Variants in ADAMTS12 observed in about 807,000 individuals in gnomAD.
ADAMTS12 encodes ADAM metallopeptidase with thrombospondin type 1 motif 12.
A neutral mutation model predicts 167.8 loss-of-function variants in ADAMTS12; 118 were observed. The observed-to-expected ratio is 0.70, with a 90% CI of 0.61 to 0.82. The LOEUF is 0.82. Among genes scored for constraint, ADAMTS12 ranks in the 40% least tolerant of loss-of-function variants. ADAMTS12 has a pLI of 0.00. For missense variants in ADAMTS12, 1,916 were observed against 1,998.8 expected (o/e 0.96, Z 0.79); for synonymous variants, 704 against 716.9 (o/e 0.98, Z 0.29).
At chr5:33,571,352 C>G (rs1251260237) in intron 19 of ADAMTS12, among the ~76,000 whole-genome samples, 1 of 151,964 alleles carries the variant, frequency 6.6e-6, no homozygotes. Context: ...GGAAGTAAAG[C>G]TCTCCTCAGC....
chr5:33,763,414 A>T (rs1745423936), intron 2 of ADAMTS12, among the ~76,000 whole-genome samples: 1 of 152,194 alleles, frequency 6.6e-6, no homozygotes, highest in South Asian at 2.1e-4. Flanking sequence ...AAAAGGCAAG[A>T]AAACAGATTC....
chr5:33,553,150 CA>C (rs1745330159), intron 20 of ADAMTS12, among the ~76,000 whole-genome samples: 1 of 152,106 alleles, frequency 6.6e-6, no homozygotes, highest in South Asian at 2.1e-4. Context: ...AAATGCAAAT[CA>C]AAACCACAAT....
At chr5:33,752,517 C>G (rs901413146) in intron 2 of ADAMTS12, among the ~76,000 whole-genome samples, 1 of 152,140 alleles carries the variant, frequency 6.6e-6, no homozygotes, top group African/African-American at 2.4e-5. Context: ...TAGGATAAAT[C>G]AAGGGTTGCT....
intron 2 of ADAMTS12, among the ~76,000 whole-genome samples, chr5:33,784,201 T>C (rs990091455): frequency 1.3e-5 from 2 of 151,762 alleles, no homozygotes; most frequent in Non-Finnish European, 3.0e-5. Context: ...TGAGGGAGAA[T>C]TTTCAACCTT....
At chr5:33,657,396 C>A (rs957655021) in intron 7 of ADAMTS12, among the ~76,000 whole-genome samples, 1 of 152,158 alleles carries the variant, frequency 6.6e-6, no homozygotes, top group Non-Finnish European at 1.5e-5. Flanking sequence ...GTTCATGTGC[C>A]TCCCCACCCA....
At chr5:33,707,261 C>T (rs1450140374) in intron 3 of ADAMTS12, among the ~76,000 whole-genome samples, 8 of 152,010 alleles carry the variant, frequency 5.3e-5, no homozygotes, top group African/African-American at 1.9e-4. Context: ...TGAAGTACCT[C>T]TTCAAGGAGA....
chr5:33,592,996 G>T (rs532673362), intron 17 of ADAMTS12, among the ~76,000 whole-genome samples: 3 of 152,262 alleles, frequency 2.0e-5, no homozygotes, highest in South Asian at 2.1e-4. Flanking sequence ...AAAGCAAATC[G>T]CCAGGCACAT....
At chr5:33,742,396 C>A (rs1417101049) in intron 3 of ADAMTS12, among the ~76,000 whole-genome samples, 1 of 151,756 alleles carries the variant, frequency 6.6e-6, no homozygotes, top group African/African-American at 2.4e-5. Flanking sequence ...AAATGGGACA[C>A]CACGGGGGTG....
intron 2 of ADAMTS12, among the ~76,000 whole-genome samples, chr5:33,852,662 T>A (rs1749258807): frequency 1.3e-5 from 2 of 152,124 alleles, no homozygotes; most frequent in African/African-American, 4.8e-5. Context: ...AACGGTCTGG[T>A]AGGAAGCACT....
At chr5:33,682,493 A>G in intron 5 of ADAMTS12, among the ~76,000 whole-genome samples, 1 of 152,276 alleles carries the variant, frequency 6.6e-6, no homozygotes, top group South Asian at 2.1e-4. Context: ...TTTATATAAG[A>G]CTTACATTTA....
intron 11 of ADAMTS12, 91 bp downstream of exon 11, chr5:33,641,719 T>A: frequency 7.7e-7 from 1 of 1,294,836 alleles, no homozygotes; most frequent in Non-Finnish European, 1.0e-6. Context: ...GGAGGAGGCT[T>A]GGGGTCACTG....
At chr5:33,774,673 T>C (rs1219710712) in intron 2 of ADAMTS12, among the ~76,000 whole-genome samples, 2 of 152,182 alleles carry the variant, frequency 1.3e-5, no homozygotes, top group African/African-American at 2.4e-5. Flanking sequence ...ATGACTATTA[T>C]CCAATAGAAA....
intron 3 of ADAMTS12, among the ~76,000 whole-genome samples, chr5:33,698,627 C>CCCACTTCCCCAATAGGT (rs1742872623): frequency 6.6e-6 from 1 of 151,574 alleles, no homozygotes. Flanking sequence ...TATCACTAGC[C>CCCACTTCCCCAATAGGT]CCATTACATT....
At chr5:33,746,391 G>A (rs900858534) in intron 3 of ADAMTS12, among the ~76,000 whole-genome samples, 1 of 152,180 alleles carries the variant, frequency 6.6e-6, no homozygotes, top group Admixed American at 6.5e-5. Context: ...CAAGGAGCTA[G>A]TGTTAATGGT....
intron 2 of ADAMTS12, among the ~76,000 whole-genome samples, chr5:33,863,619 G>T (rs1286814161): frequency 6.6e-6 from 1 of 152,058 alleles, no homozygotes; most frequent in Non-Finnish European, 1.5e-5. Flanking sequence ...CGTGAAAATG[G>T]CCATACTGAC....
chr5:33,819,017 T>G (rs2112499065), intron 2 of ADAMTS12, among the ~76,000 whole-genome samples: 1 of 152,280 alleles, frequency 6.6e-6, no homozygotes, highest in Non-Finnish European at 1.5e-5. Flanking sequence ...TTTACAAATT[T>G]TTTTCCCAGT....
In ADAMTS12 at chr5:33,549,366, A is replaced by C; in HGVS notation, c.4143T>G (p.Ser1381Arg). ...GNWSKCSRNC[S>R]GGFKIREIQC... is the part of the protein sequence containing the mutation. Reference sequence around the variant, plus strand: ...GAATCTCGCGTATCTTGAAGCCCCCACTGCAGTTTCTGGAGCACTGTATGG... The same window carrying C: ...GAATCTCGCGTATCTTGAAGCCCCCCCTGCAGTTTCTGGAGCACTGTATGG... The change falls in exon 21 of 24, where the codon AGT (serine) becomes AGG (arginine). Residue 1381 changes from serine (S) to arginine (R), a missense_variant. Coordinates refer to ENST00000504830, the MANE Select transcript of ADAMTS12 (RefSeq NM_030955.4). 1 of 1,613,510 alleles carries C rather than the reference A, an allele frequency of 6.2e-7. No individual in the cohort carries two copies. The highest frequency in any genetic ancestry group is 8.5e-7 in the Non-Finnish European group (1 of 1,179,566).
chr5:33,878,467 A>G (rs565594460), intron 2 of ADAMTS12, among the ~76,000 whole-genome samples: 20 of 152,282 alleles, frequency 1.3e-4, no homozygotes, highest in African/African-American at 4.6e-4. Flanking sequence ...GAAAATGCCT[A>G]CATGGTAGTA....
At chr5:33,886,778 G>T (rs184184417) in intron 1 of ADAMTS12, among the ~76,000 whole-genome samples, 4 of 152,202 alleles carry the variant, frequency 2.6e-5, no homozygotes, top group African/African-American at 9.6e-5. Flanking sequence ...GAAATCGGGG[G>T]TCACTTACAA....
Sources: gnomAD v4.1 joint callset for allele counts (sites outside exome capture counted in the v4.1 genomes callset) on GRCh38, gnomAD v4.1.1 for gene constraint, MANE v1.5 for transcripts, NCBI Gene and HGNC (gene_info 2026-07-23, HGNC 2026-07-21) for gene names.